The following TAF6L variants were observed in gnomAD, a reference collection of about 807,000 sequenced individuals.
TAF6L encodes TATA-box binding protein associated factor 6 like.
A neutral mutation model predicts 57.3 loss-of-function variants in TAF6L; 34 were observed. The ratio of observed to expected loss-of-function variants is 0.59; its 90% confidence interval spans 0.45 to 0.79. The LOEUF is 0.79. Ranked by LOEUF, TAF6L falls within the 30% of genes least tolerant of loss-of-function variation. TAF6L has a pLI of 0.00. For synonymous variants in TAF6L, 417 were observed against 376.3 expected, an observed-to-expected ratio of 1.11 and a Z score of -1.25; for missense variants, 782 against 853.2, an observed-to-expected ratio of 0.92 and a Z score of 1.04.
At chr11:62,772,852 C>CT (rs35555640) in intron 1 of TAF6L, among the ~76,000 whole-genome samples, 19 of 142,586 alleles carry the variant, frequency 1.3e-4, no homozygotes, top group East Asian at 4.2e-4. Context: ...TTTAGAAGAT[C>CT]TTTTTTTTTT....
chr11:62,782,777 C>T lies in TAF6L; in HGVS notation c.912C>T (p.Leu304=), dbSNP rs1030190670. ...TCCTGGCAGATCCTGTGCGGCCGCT[C>T]TGCTGCCACTATGGAGCCGTGGTGG... ...QKILADPVRP[L]CCHYGAVVGL... Residue 304 remains leucine, a synonymous_variant, in exon 9 of 11, where the codon CTC becomes CTT. Transcript: ENST00000294168. The T allele has an allele frequency of 6.2e-7, 1 of 1,613,490 alleles. No homozygotes were observed. Among genetic ancestry groups the T allele is most frequent in the African/African-American group, 1.3e-5 (1 of 74,910 alleles).
At chr11:62,778,617 T>G in intron 5 of TAF6L, 1 of 612,516 alleles carries the variant, frequency 1.6e-6, no homozygotes, top group Non-Finnish European at 2.9e-6. Flanking sequence ...GAGCAGAGCT[T>G]CACAGAGCCT....
At position 62,775,858 on chromosome 11, in the gene TAF6L, C is replaced by A. The variant is rs749912808; in HGVS notation, c.75C>A (p.Gly25=). ...TCCGGCTCATGGCGGAGAGCACGGG[C>A]CTGGAGCTGAGCGATGAGGTGGCGG... ...ESVRLMAEST[G]LELSDEVAAL... The change falls in exon 2 of 11, where the codon GGC becomes GGA. Residue 25 remains glycine (G), a synonymous_variant. Transcript: ENST00000294168. The A allele has an allele frequency of 3.1e-6, 5 of 1,613,712 alleles. No homozygotes were observed. Among genetic ancestry groups the A allele is most frequent in the Non-Finnish European group, 4.2e-6 (5 of 1,180,010 alleles).
intron 1 of TAF6L, among the ~76,000 whole-genome samples, chr11:62,773,660 C>A (rs1156817969): frequency 1.3e-5 from 2 of 152,050 alleles, no homozygotes; most frequent in Non-Finnish European, 2.9e-5. Context: ...GTTGGTCAGG[C>A]TGGTCTTGAA....
At chr11:62,778,640 A>T in intron 5 of TAF6L, 1 of 611,028 alleles carries the variant, frequency 1.6e-6, no homozygotes, top group East Asian at 2.7e-5. Context: ...AGCTCTCAGG[A>T]GTCCGTCTGG....
intron 9 of TAF6L, among the ~76,000 whole-genome samples, chr11:62,783,979 A>G (rs1038471154): frequency 1.3e-4 from 2 of 15,104 alleles, no homozygotes; most frequent in African/African-American, 4.7e-4. Flanking sequence ...GAATCTTGCC[A>G]AGATGGCGCC....
intron 9 of TAF6L, 113 bp downstream of exon 9, chr11:62,782,938 T>C: frequency 6.8e-7 from 1 of 1,476,574 alleles, no homozygotes; most frequent in Non-Finnish European, 9.2e-7. Flanking sequence ...TGCCATGTAT[T>C]GAGTTCTGGC....
Position 62,787,228 on chromosome 11 carries a change from A to T in TAF6L, c.1801A>T (p.Ile601Phe). Residue 601 changes from isoleucine (I) to phenylalanine (F), a missense_variant, in exon 11 of 11, where the codon ATC (isoleucine) becomes TTC (phenylalanine). This residue lies in a region of TAF6L where 483 missense variants were observed against 445.1 expected (regional missense o/e 1.09). Coordinates refer to ENST00000294168, the MANE Select transcript of TAF6L (RefSeq NM_006473.4). ...ASRYVQKLPM[I>F]GRTSRPARRW... ...GCGCTACGTGCAGAAACTGCCCATG[A>T]TCGGCCGTACCAGCCGCCCCGCCCG... The T allele has an allele frequency of 6.3e-7, 1 of 1,580,364 alleles. No individual in the cohort carries two copies. Among genetic ancestry groups the T allele is most frequent in the Non-Finnish European group, 8.5e-7 (1 of 1,171,368 alleles).
chr11:62,775,248 A>G (rs563072594), intron 1 of TAF6L, among the ~76,000 whole-genome samples: 52 of 152,286 alleles, frequency 3.4e-4, no homozygotes, highest in Non-Finnish European at 6.9e-4. Context: ...TTATAAAACC[A>G]TTAGATCTTT....
In TAF6L at chr11:62,786,657, T is replaced by C; in HGVS notation, c.1230T>C (p.Gly410=). 1 of 1,610,946 alleles carries C rather than the reference T, an allele frequency of 6.2e-7. No individual in the cohort carries two copies. The highest frequency in any genetic ancestry group is 8.5e-7 in the Non-Finnish European group (1 of 1,178,726). ...TTCAAGAGTCGTCCTCCGGGGGCGGTGCAGAACCCAGCTTTGGGTCCGGCC... is the reference window on the plus strand; with the variant it reads ...TTCAAGAGTCGTCCTCCGGGGGCGGCGCAGAACCCAGCTTTGGGTCCGGCC... ...LLFQESSSGG[G]AEPSFGSGLP... Residue 410 remains glycine (G), a synonymous_variant, in exon 11 of 11, where the codon GGT becomes GGC. Transcript: ENST00000294168.
chr11:62,782,037 A>G (rs985648742), intron 7 of TAF6L, 69 bp downstream of exon 7: 6 of 1,594,934 alleles, frequency 3.8e-6, no homozygotes, highest in Non-Finnish European at 5.1e-6. Flanking sequence ...TGTAGGGCTC[A>G]TGGCAAGTGC....
Position 62,787,293 on chromosome 11 carries a change from C to T in TAF6L, c.1866C>T (p.Leu622=), listed in dbSNP as rs372003013. Residue 622 remains leucine, a synonymous_variant, in exon 11 of 11, where the codon CTC becomes CTT. Transcript: ENST00000294168. ...ALSDYSLYLP[L] ...CGGACTACTCGCTGTACTTGCCGCT[C>T]TGAGTCAGTGGCCCCTTCGTTCCTT... The T allele has an allele frequency of 7.1e-6, 11 of 1,539,588 alleles. 1 individual carries two copies. Among genetic ancestry groups the T allele is most frequent in the South Asian group, 5.9e-5 (5 of 84,068 alleles).
rs1386598508 is a variant in TAF6L, at chr11:62,774,327, C to T, written c.-13-1444C>T. 4.6e-5 allele frequency among the ~76,000 whole-genome samples: 7 copies of T among 152,046 alleles called. No individual in the cohort carries two copies. In the East Asian group the frequency reaches 5.8e-4, roughly 13 times the overall value. The stretch of plus-strand genomic sequence containing the variant: ...TCCTGACCTTGTGATCCGCCTGCCT[C>T]GGCCTCCCAAAGTGCTGGGATTACA... On this transcript the variant is annotated intron_variant, in intron 1 of 10. Coordinates refer to ENST00000294168, the MANE Select transcript of TAF6L (RefSeq NM_006473.4).
chr11:62,787,203 G>T lies in TAF6L; in HGVS notation c.1776G>T (p.Ser592=), dbSNP rs374021951. ...FPAPYGPSPA[S]RYVQKLPMIG... is the part of the protein sequence containing the mutation. ...CGCCGTACGGGCCTAGCCCGGCCTC[G>T]CGCTACGTGCAGAAACTGCCCATGA... The change falls in exon 11 of 11, where the codon TCG becomes TCT. Residue 592 remains serine, a synonymous_variant. Coordinates refer to ENST00000294168, the MANE Select transcript of TAF6L (RefSeq NM_006473.4). 48 of 1,588,074 alleles carry T rather than the reference G, an allele frequency of 3.0e-5. No homozygotes were observed. The highest frequency in any genetic ancestry group is 3.9e-5 in the Non-Finnish European group (46 of 1,175,900).
At chr11:62,780,717 G>C (rs1323173271) in intron 6 of TAF6L, among the ~76,000 whole-genome samples, 1 of 151,664 alleles carries the variant, frequency 6.6e-6, no homozygotes, top group African/African-American at 2.4e-5. Flanking sequence ...ATCATGTGAG[G>C]CCGGGAGTTC....
intron 6 of TAF6L, chr11:62,781,678 A>AAAAAAAT (rs1554997115): frequency 1.1e-5 from 5 of 464,460 alleles, no homozygotes; most frequent in East Asian, 4.6e-5. Context: ...AAAAAAAAAA[A>AAAAAAAT]GTTGGACATT....
At position 62,778,105 on chromosome 11, in the gene TAF6L, G is replaced by A; in HGVS notation, c.362G>A (p.Gly121Asp). The change falls in exon 4 of 11, where the codon GGC (glycine) becomes GAC (aspartate). Residue 121 changes from glycine to aspartate, a missense_variant. Gly to Asp is a moderately conservative substitution (Grantham distance 94, BLOSUM62 -1). Coordinates refer to ENST00000294168, the MANE Select transcript of TAF6L (RefSeq NM_006473.4). ...ELALATNIPKGCAETAVRVHV... is the reference protein window; with the variant it reads ...ELALATNIPKDCAETAVRVHV... ...GCCCTGGCTACCAACATCCCCAAAG[G>A]CTGTGCTGAGACAGCTGTCAGAGGT... 3 of 1,614,158 alleles carry A rather than the reference G, an allele frequency of 1.9e-6. No individual in the cohort carries two copies. The highest frequency in any genetic ancestry group is 2.5e-6 in the Non-Finnish European group (3 of 1,180,034).
chr11:62,773,867 C>T (rs2084167123), intron 1 of TAF6L, among the ~76,000 whole-genome samples: 1 of 152,034 alleles, frequency 6.6e-6, no homozygotes, highest in Non-Finnish European at 1.5e-5. Flanking sequence ...GTTCACTAGA[C>T]AAAGGGATTG....
At chr11:62,783,172 G>T (rs1017947950) in intron 9 of TAF6L, among the ~76,000 whole-genome samples, 1 of 152,182 alleles carries the variant, frequency 6.6e-6, no homozygotes, top group Non-Finnish European at 1.5e-5. Flanking sequence ...ATTATCAAAT[G>T]ATTATACGCT....
Sources: gnomAD v4.1 joint callset for allele counts (sites outside exome capture counted in the v4.1 genomes callset) on GRCh38, gnomAD v4.1.1 for gene constraint, gnomAD v4.1.1 regional missense constraint, MANE v1.5 for transcripts, NCBI Gene and HGNC (gene_info 2026-07-23, HGNC 2026-07-21) for gene names.